Variants in ADAMTSL1 observed in about 807,000 individuals in gnomAD.
ADAMTSL1 encodes ADAMTS like 1.
ADAMTSL1 carries 126 observed loss-of-function variants against 201.8 expected under a neutral mutation model. The ratio of observed to expected loss-of-function variants is 0.62; its 90% confidence interval spans 0.54 to 0.72. The LOEUF is 0.72. Among genes scored for constraint, ADAMTSL1 ranks in the 30% least tolerant of loss-of-function variants. The probability of loss-of-function intolerance (pLI) is 0.00; values close to 1 mark genes in which losing one functional copy is unlikely to be tolerated. For synonymous variants in ADAMTSL1, 1,121 were observed against 903.4 expected (o/e 1.24, Z -4.32); for missense variants, 2,679 against 2,277.8 (o/e 1.18, Z -3.59).
intron 2 of ADAMTSL1, among the ~76,000 whole-genome samples, chr9:18,172,475 C>T (rs143163417): frequency 1.1e-4 from 16 of 152,104 alleles, no homozygotes; most frequent in African/African-American, 2.6e-4. Context: ...AAAGGACCAA[C>T]GAAGGCAGTT....
At chr9:18,479,011 G>T (rs1371929366) in intron 1 of ADAMTSL1, among the ~76,000 whole-genome samples, 1 of 152,174 alleles carries the variant, frequency 6.6e-6, no homozygotes, top group African/African-American at 2.4e-5. Flanking sequence ...CATACCAGAG[G>T]TGATGTAAGT....
intron 21 of ADAMTSL1, among the ~76,000 whole-genome samples, chr9:18,823,015 T>C (rs1824311336): frequency 6.6e-6 from 1 of 152,208 alleles, no homozygotes; most frequent in Admixed American, 6.5e-5. Flanking sequence ...TATTTCCTCA[T>C]TCTACATGCG....
chr9:18,494,006 C>T lies in ADAMTSL1; in HGVS notation c.64-10823C>T, dbSNP rs116817760. Reference sequence around the variant, plus strand: ...ATAGATGTGTAAACAAGTAACTATACTGGGTGGCTGACAAATGCTAAAATA... The same window carrying T: ...ATAGATGTGTAAACAAGTAACTATATTGGGTGGCTGACAAATGCTAAAATA... On this transcript the variant is annotated intron_variant, in intron 1 of 28. Transcript: ENST00000380548. Among the ~76,000 whole-genome samples the T allele has an allele frequency of 1.9e-3, 290 of 152,284 alleles. 1 individual carries two copies. Among genetic ancestry groups the T allele is most frequent in the African/African-American group, 6.8e-3 (281 of 41,546 alleles).
chr9:18,315,000 G>T (rs887748654), intron 2 of ADAMTSL1, among the ~76,000 whole-genome samples: 2 of 150,076 alleles, frequency 1.3e-5, no homozygotes, highest in African/African-American at 2.4e-5. Flanking sequence ...GTTTCACCGT[G>T]TTAGCCAGGA....
At chr9:17,964,313 T>C (rs1197035986) in intron 1 of ADAMTSL1, among the ~76,000 whole-genome samples, 1 of 152,142 alleles carries the variant, frequency 6.6e-6, no homozygotes, top group Non-Finnish European at 1.5e-5. Flanking sequence ...ACTTTAAAAC[T>C]CTTTATTTAC....
In ADAMTSL1 at chr9:18,474,190, A is replaced by G. The variant is rs780100352; in HGVS notation, c.-43A>G. The G allele has an allele frequency of 1.9e-6, 3 of 1,601,170 alleles. No homozygotes were observed. The highest frequency in any genetic ancestry group is 2.6e-6 in the Non-Finnish European group (3 of 1,168,682). Reference sequence around the variant, plus strand: ...GACAGCAGGCAGAGGAGCACTTAGCAGCTTATTCAGTGTCCGATTCTGATT... The same window carrying G: ...GACAGCAGGCAGAGGAGCACTTAGCGGCTTATTCAGTGTCCGATTCTGATT... On this transcript the variant is annotated 5_prime_UTR_variant, in exon 1 of 29. Transcript: ENST00000380548.
chr9:18,530,601 T>A (rs1264720132), intron 2 of ADAMTSL1, among the ~76,000 whole-genome samples: 1 of 152,212 alleles, frequency 6.6e-6, no homozygotes, highest in East Asian at 1.9e-4. Flanking sequence ...TGTGCCTCTA[T>A]GCCTTTGCTT....
In ADAMTSL1 at chr9:18,598,520, A is replaced by G. The variant is rs34098829; in HGVS notation, c.475-23723A>G. On this transcript the variant is annotated intron_variant, in intron 4 of 28. Coordinates refer to ENST00000380548, the MANE Select transcript of ADAMTSL1 (RefSeq NM_001040272.6). ...ATTTTTGTTTGTCCCTTTCACCATT[A>G]CTAAGTGCACTTCAGTCCCTGTGCT... Among the ~76,000 whole-genome samples, 6 of 152,188 alleles carry G rather than the reference A, an allele frequency of 3.9e-5. 1 individual carries two copies. Among genetic ancestry groups the G allele is most frequent in the African/African-American group, 1.4e-4 (6 of 41,510 alleles).
intron 7 of ADAMTSL1, among the ~76,000 whole-genome samples, chr9:18,650,620 T>C (rs1443363038): frequency 6.6e-6 from 1 of 152,190 alleles, no homozygotes. Flanking sequence ...AAAAGGAAGA[T>C]TTTGTGACAG....
At chr9:18,527,983 T>G (rs1819196273) in intron 2 of ADAMTSL1, among the ~76,000 whole-genome samples, 1 of 152,144 alleles carries the variant, frequency 6.6e-6, no homozygotes, top group East Asian at 1.9e-4. Flanking sequence ...GTTCCAGTGA[T>G]TCTCCTGCCT....
chr9:17,977,330 T>C (rs182495642), intron 1 of ADAMTSL1, among the ~76,000 whole-genome samples: 235 of 152,256 alleles, frequency 1.5e-3, no homozygotes, highest in African/African-American at 5.5e-3. Context: ...AGAGCAATGC[T>C]GGCCTTATAA....
chr9:18,685,825 G>A (rs1052487796), intron 13 of ADAMTSL1, among the ~76,000 whole-genome samples: 1 of 152,094 alleles, frequency 6.6e-6, no homozygotes, highest in African/African-American at 2.4e-5. Context: ...ATATAGATTT[G>A]TACCATAACC....
At chr9:18,466,593 T>C (rs1020862724) in intron 2 of ADAMTSL1, among the ~76,000 whole-genome samples, 3 of 152,188 alleles carry the variant, frequency 2.0e-5, no homozygotes, top group African/African-American at 7.2e-5. Flanking sequence ...AAACATAATG[T>C]TGTACACCAT....
At chr9:18,860,208 T>G (rs1162103568) in intron 23 of ADAMTSL1, among the ~76,000 whole-genome samples, 1 of 152,262 alleles carries the variant, frequency 6.6e-6, no homozygotes, top group East Asian at 1.9e-4. Context: ...CCTTGTCTTG[T>G]GAAAATGGCT....
At chr9:17,930,865 T>C (rs1284170437) in intron 1 of ADAMTSL1, among the ~76,000 whole-genome samples, 1 of 152,204 alleles carries the variant, frequency 6.6e-6, no homozygotes, top group Non-Finnish European at 1.5e-5. Flanking sequence ...GGCTCTTGTG[T>C]AGCTGTATTC....
Position 18,445,890 on chromosome 9 carries a change from C to A in ADAMTSL1, c.208-58939C>A, listed in dbSNP as rs377405575. ...AAGGAGCTAGTAGTGACTATATGCA[C>A]AATACTGTATCAAATATTTGTAAAC... On this transcript the variant is annotated intron_variant, in intron 2 of 29. Coordinates refer to the ADAMTSL1 transcript ENST00000680146. 2.0e-5 allele frequency among the ~76,000 whole-genome samples: 3 copies of A among 152,256 alleles called. 1 individual carries two copies. Among genetic ancestry groups the A allele is most frequent in the African/African-American group, 7.2e-5 (3 of 41,554 alleles).
In ADAMTSL1 at chr9:18,646,998, G is replaced by A. The variant is rs1432195815; in HGVS notation, c.834+7587G>A. Among the ~76,000 whole-genome samples the A allele has an allele frequency of 2.6e-5, 4 of 152,056 alleles. No homozygotes were observed. The East Asian group carries it at 7.7e-4, about 29-fold the overall frequency. ...CCTCCTTGTACCTCTGGTAAAATTT[G>A]GCTGTGAATCCATCTGGTCCTGGAC... is the stretch of plus-strand genomic sequence containing the variant. On this transcript the variant is annotated intron_variant, in intron 7 of 28. Transcript: ENST00000380548.
chr9:18,759,291 C>T (rs960749674), intron 16 of ADAMTSL1, among the ~76,000 whole-genome samples: 3 of 152,142 alleles, frequency 2.0e-5, no homozygotes, highest in African/African-American at 7.2e-5. Context: ...GGAGAGGAGT[C>T]CCTGCTAGTG....
intron 4 of ADAMTSL1, among the ~76,000 whole-genome samples, chr9:18,602,084 AAT>A (rs1420431602): frequency 3.9e-5 from 6 of 152,186 alleles, no homozygotes; most frequent in African/African-American, 1.4e-4. Flanking sequence ...CTGCATAAGA[AAT>A]GTCTTCCTAG....
Sources: allele counts gnomAD v4.1 joint callset (sites outside exome capture counted in the v4.1 genomes callset), GRCh38; gene constraint gnomAD v4.1.1; transcripts MANE v1.5; gene names NCBI Gene and HGNC (gene_info 2026-07-23, HGNC 2026-07-21).